The following RAB38 variants were observed in gnomAD, a reference collection of about 807,000 sequenced individuals.
The protein encoded by RAB38 is ras-related protein Rab-38.
In RAB38, 15 loss-of-function variants were observed where a neutral mutation model predicts 18.4. The observed-to-expected ratio is 0.82, with a 90% CI of 0.55 to 1.26. The LOEUF (loss-of-function observed/expected upper bound fraction) is 1.26. Ranked by LOEUF, RAB38 falls within the 50% of genes most tolerant of loss-of-function variation. The probability of loss-of-function intolerance (pLI) is 0.00; values close to 1 mark genes in which losing one functional copy is unlikely to be tolerated. For missense variants in RAB38, 294 were observed against 267.4 expected, an observed-to-expected ratio of 1.10 and a Z score of -0.69; for synonymous variants, 101 against 104.4, an observed-to-expected ratio of 0.97 and a Z score of 0.20.
At chr11:87,806,382 T>C in the RAB38 span, among the ~76,000 whole-genome samples, 1 of 152,122 alleles carries the variant, frequency 6.6e-6, no homozygotes, top group African/African-American at 2.4e-5. Context: ...CACATCCTCA[T>C]ACGATGAAAG....
At chr11:88,070,701 A>C in the RAB38 span, among the ~76,000 whole-genome samples, 1 of 152,196 alleles carries the variant, frequency 6.6e-6, no homozygotes, top group South Asian at 2.1e-4. Flanking sequence ...AAAAAATTCC[A>C]CTTACACAAA....
intron 1 of RAB38, among the ~76,000 whole-genome samples, chr11:88,156,763 A>G (rs907001342): frequency 1.1e-4 from 17 of 152,312 alleles, no homozygotes; most frequent in African/African-American, 4.1e-4. Context: ...GAGATTTTAA[A>G]AATCTTTCAA....
At chr11:88,053,158 A>G in the RAB38 span, among the ~76,000 whole-genome samples, 15 of 112,368 alleles carry the variant, frequency 1.3e-4, no homozygotes, top group Non-Finnish European at 2.1e-4. Context: ...GAATATATAT[A>G]TACACACATA....
chr11:88,071,187 T>A, the RAB38 span, among the ~76,000 whole-genome samples: 1 of 152,000 alleles, frequency 6.6e-6, no homozygotes, highest in Non-Finnish European at 1.5e-5. Context: ...ATACCTTACC[T>A]GCTTTCCAGG....
At chr11:87,887,218 T>C in the RAB38 span, among the ~76,000 whole-genome samples, 2 of 151,980 alleles carry the variant, frequency 1.3e-5, no homozygotes, top group Non-Finnish European at 2.9e-5. Flanking sequence ...AGTGGTTTAT[T>C]TGAAACTAAA....
At chr11:88,155,373 T>C (rs936986661) in intron 1 of RAB38, among the ~76,000 whole-genome samples, 3 of 152,042 alleles carry the variant, frequency 2.0e-5, no homozygotes, top group Admixed American at 1.3e-4. Flanking sequence ...CACTATCTAC[T>C]GACTTACAGG....
the RAB38 span, among the ~76,000 whole-genome samples, chr11:88,064,936 CT>C: frequency 2.0e-5 from 3 of 152,270 alleles, no homozygotes; most frequent in Middle Eastern, 3.4e-3. Context: ...TGAAAAAAAT[CT>C]TCTGGTTCTT....
At chr11:87,976,412 T>A in the RAB38 span, among the ~76,000 whole-genome samples, 1 of 137,336 alleles carries the variant, frequency 7.3e-6, no homozygotes, top group Non-Finnish European at 1.5e-5. Flanking sequence ...TATATATTTA[T>A]ATATATTTAT....
At chr11:87,917,278 C>T in the RAB38 span, among the ~76,000 whole-genome samples, 79 of 151,962 alleles carry the variant, frequency 5.2e-4, no homozygotes, top group African/African-American at 1.5e-3. Context: ...CTATATGACT[C>T]GTAGAGAGAT....
chr11:87,810,061 T>G, the RAB38 span, among the ~76,000 whole-genome samples: 1 of 152,196 alleles, frequency 6.6e-6, no homozygotes, highest in Non-Finnish European at 1.5e-5. Flanking sequence ...TTTCCAATAA[T>G]ACTTCAAAAT....
At chr11:88,098,104 T>C in the RAB38 span, 23 of 143,988 alleles carry the variant, frequency 1.6e-4, no homozygotes, top group African/African-American at 5.6e-4. Context: ...CAGTAATACA[T>C]AAATAAATAA....
At chr11:87,876,175 C>T in the RAB38 span, among the ~76,000 whole-genome samples, 2 of 151,536 alleles carry the variant, frequency 1.3e-5, no homozygotes, top group Admixed American at 1.3e-4. Flanking sequence ...CTGCTAAGAT[C>T]TCTAGCTGCA....
rs372005258 is a variant in RAB38, at chr11:88,128,451, A to C, written c.484-14311T>G. Among the ~76,000 whole-genome samples, 110 of 152,354 alleles carry C rather than the reference A, an allele frequency of 7.2e-4. 3 individuals are homozygous for C. Among genetic ancestry groups the C allele is most frequent in the African/African-American group, 2.3e-3 (94 of 41,584 alleles). ...AACTCTGTCAACTTGATTAGCCGTA[A>C]GTTACTGGTTGCAAAAATCAGAAAC... On this transcript the variant is annotated intron_variant, in intron 2 of 2. Coordinates refer to ENST00000243662, the MANE Select transcript of RAB38 (RefSeq NM_022337.3).
At chr11:87,930,114 G>A in the RAB38 span, among the ~76,000 whole-genome samples, 1 of 152,010 alleles carries the variant, frequency 6.6e-6, no homozygotes, top group African/African-American at 2.4e-5. Flanking sequence ...GGTATTTCTA[G>A]TTCTAGATCC....
chr11:87,809,329 A>G, the RAB38 span, among the ~76,000 whole-genome samples: 8 of 152,240 alleles, frequency 5.3e-5, no homozygotes, highest in African/African-American at 1.4e-4. Context: ...TGTCCAGACT[A>G]CAAAAGAATC....
At chr11:87,960,209 C>T in the RAB38 span, among the ~76,000 whole-genome samples, 3 of 152,062 alleles carry the variant, frequency 2.0e-5, no homozygotes, top group Non-Finnish European at 4.4e-5. Flanking sequence ...AAGCTTATTA[C>T]AATGCAGATT....
chr11:88,154,846 G>A (rs1239803689), intron 1 of RAB38, among the ~76,000 whole-genome samples: 2 of 152,118 alleles, frequency 1.3e-5, no homozygotes, highest in Non-Finnish European at 2.9e-5. Context: ...TAGACCATGA[G>A]GCAAAAAGGT....
the RAB38 span, among the ~76,000 whole-genome samples, chr11:88,016,885 G>T: frequency 6.6e-6 from 1 of 152,130 alleles, no homozygotes; most frequent in South Asian, 2.1e-4. Flanking sequence ...GGGTAATAAT[G>T]ATTCAGAAAT....
chr11:87,868,939 T>C, the RAB38 span, among the ~76,000 whole-genome samples: 1 of 151,614 alleles, frequency 6.6e-6, no homozygotes, highest in Non-Finnish European at 1.5e-5. Context: ...CAAAGGCCAC[T>C]CCCTGGCCCA....
Sources: allele counts gnomAD v4.1 joint callset (sites outside exome capture counted in the v4.1 genomes callset), GRCh38; gene constraint gnomAD v4.1.1; transcripts MANE v1.5; gene names NCBI Gene and HGNC (gene_info 2026-07-23, HGNC 2026-07-21).